The following EP400 variants were observed in gnomAD, a reference collection of about 807,000 sequenced individuals.
EP400 encodes the protein E1A binding protein p400.
In EP400, 105 loss-of-function variants were observed where a neutral mutation model predicts 354.1. The observed-to-expected ratio is 0.30, with a 90% CI of 0.25 to 0.35. The LOEUF (loss-of-function observed/expected upper bound fraction) is 0.35. Ranked by LOEUF, EP400 falls within the 10% of genes least tolerant of loss-of-function variation. The pLI is 1.00. For missense variants in EP400, 3,280 were observed against 4,121.0 expected (o/e 0.80, Z 5.59); for synonymous variants, 1,646 against 1,716.9 (o/e 0.96, Z 1.02).
At chr12:132,002,813 G>A (rs1893461050) in intron 12 of EP400, among the ~76,000 whole-genome samples, 1 of 152,208 alleles carries the variant, frequency 6.6e-6, no homozygotes, top group Non-Finnish European at 1.5e-5. Flanking sequence ...GTGGGTTCCT[G>A]GGGATCCCAT....
In EP400 at chr12:132,050,859, T is replaced by A; in HGVS notation, c.7394+204T>A. 1.6e-6 allele frequency: 1 copy of A among 618,062 alleles called. No individual in the cohort carries two copies. The allele number at this position is 618,062 out of a possible 1,614,324, so 38.3% of individuals were successfully genotyped here. A position where few individuals can be genotyped will look rare whatever the true frequency, so the allele number is the denominator to read the frequency against. On this transcript the variant is annotated intron_variant, in intron 41 of 52. Transcript: ENST00000389561. The surrounding 1 kb of genome is among the most constrained non-coding windows in gnomAD (Gnocchi z 4.8). ...CATAGGACGGCCCCTGCCCTGTCTC[T>A]GTGTTACAGGGATTGTCCTTGCTGG... is the stretch of plus-strand genomic sequence containing the variant.
intron 34 of EP400, 118 bp downstream of exon 34, chr12:132,043,846 A>T: frequency 1.1e-6 from 1 of 945,698 alleles, no homozygotes; most frequent in Non-Finnish European, 1.6e-6. Context: ...ACCCACAAGT[A>T]TGGAAATGAA....
At chr12:132,046,080 G>A (rs1895087925) in intron 39 of EP400, among the ~76,000 whole-genome samples, 180 bp downstream of exon 39, 1 of 152,204 alleles carries the variant, frequency 6.6e-6, no homozygotes, top group Non-Finnish European at 1.5e-5. Context: ...TCTGCACTGT[G>A]CCTCGCCTAT....
rs1297483314 is a variant in EP400, at chr12:132,079,458, G to GC, written c.*1786dup. ...TGGAAACTTTTACTCCTCCTCATCC[G>GC]CAGATGTGATAGAACTGAAGTATCT... is the stretch of plus-strand genomic sequence containing the variant. On this transcript the variant is annotated 3_prime_UTR_variant, in exon 53 of 53. Coordinates refer to ENST00000389561, the MANE Select transcript of EP400 (RefSeq NM_015409.5). The GC allele has an allele frequency of 6.6e-6, 1 of 152,266 alleles. No individual in the cohort carries two copies. Among genetic ancestry groups the GC allele is most frequent in the Non-Finnish European group, 1.5e-5 (1 of 68,042 alleles). 9.4% of individuals were successfully genotyped at this position (152,266 alleles called of 1,614,324 possible).
At chr12:132,048,096 G>C (rs148132901) in intron 39 of EP400, among the ~76,000 whole-genome samples, 2,209 of 152,272 alleles carry the variant, frequency 0.015, 49 homozygotes, top group African/African-American at 0.05. Flanking sequence ...GAGGTGCCCA[G>C]ATTTCATATT....
intron 30 of EP400, among the ~76,000 whole-genome samples, chr12:132,034,621 G>A (rs753006394): frequency 1.3e-5 from 2 of 152,164 alleles, no homozygotes; most frequent in Admixed American, 6.5e-5. Context: ...TGTTGGTGTC[G>A]GGGCAGATAG....
In EP400 at chr12:132,025,278, C is replaced by T. The variant is rs1455282312; in HGVS notation, c.4856-368C>T. Among the ~76,000 whole-genome samples, 1 of 152,188 alleles carries T rather than the reference C, an allele frequency of 6.6e-6. No homozygotes were observed. Among genetic ancestry groups the T allele is most frequent in the African/African-American group, 2.4e-5 (1 of 41,448 alleles). On this transcript the variant is annotated intron_variant, in intron 24 of 52. Transcript: ENST00000389561. The surrounding 1 kb of genome is among the most constrained non-coding windows in gnomAD (Gnocchi z 4.1). ...AAGCCACAGGCATCTGGGCTAAAAA[C>T]AGGGTTTTGTTCTATTTCTTCATTC...
At position 131,960,854 on chromosome 12, in the gene EP400, G is replaced by A. The variant is rs1891856649; in HGVS notation, c.235G>A (p.Val79Met). ...GAACGTGAACATCACCCTGCAGAGC[G>A]TGGGCCCTGTCGTCGGGGGAAACCA... ...GQNVNITLQS[V>M]GPVVGGNQQI... Residue 79 changes from valine to methionine, a missense_variant, in exon 2 of 53, where the codon GTG (valine) becomes ATG (methionine). By Grantham distance (21) the Val-to-Met change is conservative. Transcript: ENST00000389561. The A allele has an allele frequency of 4.3e-6, 7 of 1,613,944 alleles. No individual in the cohort carries two copies. Among genetic ancestry groups the A allele is most frequent in the South Asian group, 1.1e-5 (1 of 91,074 alleles).
At chr12:131,966,003 A>C (rs938591947) in intron 2 of EP400, among the ~76,000 whole-genome samples, 1 of 151,960 alleles carries the variant, frequency 6.6e-6, no homozygotes, top group Admixed American at 6.6e-5. Flanking sequence ...GTCTCTCTGA[A>C]AGTATTCTGG....
intron 15 of EP400, among the ~76,000 whole-genome samples, chr12:132,008,347 G>A (rs1257744926): frequency 2.6e-5 from 4 of 152,130 alleles, no homozygotes; most frequent in Admixed American, 2.6e-4. Flanking sequence ...TGAAAAACTC[G>A]GTGCATCTCA....
At chr12:132,001,510 C>T (rs1893413656) in intron 12 of EP400, among the ~76,000 whole-genome samples, 1 of 152,170 alleles carries the variant, frequency 6.6e-6, no homozygotes, top group East Asian at 1.9e-4. Context: ...CACAGGGAGA[C>T]GGTTAGGCCT....
Position 131,986,952 on chromosome 12 carries a change from A to AG in EP400, c.2223+148dup, listed in dbSNP as rs138429666. ...ATCAGTAGACACAAGATGAAAACCA[A>AG]GGGTTAGCCTTTTCTGTTGGAAGCA... On this transcript the variant is annotated intron_variant, in intron 6 of 52. Coordinates refer to ENST00000389561, the MANE Select transcript of EP400 (RefSeq NM_015409.5). 8.1e-3 allele frequency: 8,460 copies of AG among 1,048,724 alleles called. 431 individuals are homozygous for AG. In the African/African-American group the frequency reaches 0.12, roughly 14 times the overall value. The allele number at this position is 1,048,724 out of a possible 1,614,324, so 65.0% of individuals were successfully genotyped here. A position where few individuals can be genotyped will look rare whatever the true frequency, so the allele number is the denominator to read the frequency against.
intron 25 of EP400, among the ~76,000 whole-genome samples, chr12:132,026,944 G>C (rs1297259112): frequency 6.6e-6 from 1 of 152,232 alleles, no homozygotes; most frequent in Admixed American, 6.5e-5. Context: ...GTCAGGAGCA[G>C]CTCCAGGGAA....
At chr12:132,076,850 C>A (rs1345824167) in intron 52 of EP400, among the ~76,000 whole-genome samples, 2 of 152,254 alleles carry the variant, frequency 1.3e-5, no homozygotes, top group Non-Finnish European at 1.5e-5. Context: ...GCGGGTGTGT[C>A]CTGCAAGTCG....
chr12:132,025,918 A>G lies in EP400; in HGVS notation c.5014+114A>G. 1 of 1,242,452 alleles carries G rather than the reference A, an allele frequency of 8.0e-7. No homozygotes were observed. Among genetic ancestry groups the G allele is most frequent in the Non-Finnish European group, 1.1e-6 (1 of 942,086 alleles). 77.0% of individuals were successfully genotyped at this position (1,242,452 alleles called of 1,614,324 possible). On this transcript the variant is annotated intron_variant, in intron 25 of 52. Coordinates refer to ENST00000389561, the MANE Select transcript of EP400 (RefSeq NM_015409.5). This position sits in a 1 kb window ranked among gnomAD's most constrained non-coding sequence, Gnocchi z 4.1. ...ACTGTATCTCAGAACAGCACAGTCT[A>G]GTGTGTGGCCATCTCTGATTTCTAT...
intron 10 of EP400, among the ~76,000 whole-genome samples, chr12:131,991,867 G>A (rs1368413369): frequency 6.6e-6 from 1 of 152,140 alleles, no homozygotes; most frequent in Non-Finnish European, 1.5e-5. Context: ...GATTACAGGC[G>A]TGAGCTACCG....
At chr12:132,034,254 A>G (rs574922040) in intron 30 of EP400, among the ~76,000 whole-genome samples, 10 of 152,324 alleles carry the variant, frequency 6.6e-5, no homozygotes, top group African/African-American at 1.4e-4. Flanking sequence ...ATAAAGTCTC[A>G]GGCATGGCCT....
intron 51 of EP400, 24 bp from the exon 52 acceptor site, chr12:132,076,492 T>G: frequency 6.2e-7 from 1 of 1,613,302 alleles, no homozygotes; most frequent in Non-Finnish European, 8.5e-7. Context: ...AATTGTATGT[T>G]TGGCTTTTTT....
At chr12:131,954,141 C>T (rs1252397569) in intron 1 of EP400, among the ~76,000 whole-genome samples, 1 of 151,828 alleles carries the variant, frequency 6.6e-6, no homozygotes, top group African/African-American at 2.4e-5. Context: ...TTACGGTGAA[C>T]ACTAGTATAC....
Sources: gnomAD v4.1 joint callset for allele counts (sites outside exome capture counted in the v4.1 genomes callset) on GRCh38, gnomAD v4.1.1 for gene constraint, Gnocchi (gnomAD v3.1) non-coding constraint, MANE v1.5 for transcripts, NCBI Gene and HGNC (gene_info 2026-07-23, HGNC 2026-07-21) for gene names.